DPP10: variants seen among roughly 807,000 people sequenced by gnomAD.
The protein encoded by DPP10 is dipeptidyl peptidase like 10, also known as inactive dipeptidyl peptidase 10.
Under a neutral mutation model 120.9 loss-of-function variants are expected in DPP10, and 33 were observed. That is an observed-to-expected ratio of 0.27 (90% confidence interval 0.21 to 0.37). The LOEUF (loss-of-function observed/expected upper bound fraction) is 0.37, where lower values mean the gene tolerates loss of function less well. Ranked by LOEUF, DPP10 falls within the 10% of genes least tolerant of loss-of-function variation. The probability of loss-of-function intolerance (pLI) is 1.00; values close to 1 mark genes in which losing one functional copy is unlikely to be tolerated. For missense variants in DPP10, 816 were observed against 942.8 expected (o/e 0.87, Z 1.76); for synonymous variants, 337 against 326.1 (o/e 1.03, Z -0.36).
intron 9 of DPP10, among the ~76,000 whole-genome samples, chr2:115,743,636 T>G (rs565762987): frequency 7.1e-6 from 1 of 141,084 alleles, no homozygotes. Flanking sequence ...GCACTTTACA[T>G]AAATCTTTTT....
At chr2:114,978,222 C>A (rs1225336985) in intron 1 of DPP10, among the ~76,000 whole-genome samples, 1 of 152,072 alleles carries the variant, frequency 6.6e-6, no homozygotes, top group Non-Finnish European at 1.5e-5. Flanking sequence ...TACCACTAGC[C>A]AAATATGGCT....
At chr2:115,817,387 C>G (rs116784791) in intron 21 of DPP10, among the ~76,000 whole-genome samples, 1 of 152,138 alleles carries the variant, frequency 6.6e-6, no homozygotes, top group Non-Finnish European at 1.5e-5. Flanking sequence ...AGATCCATGA[C>G]ATAAAATAAC....
intron 1 of DPP10, among the ~76,000 whole-genome samples, chr2:114,776,428 C>T (rs1681747718): frequency 6.6e-6 from 1 of 152,124 alleles, no homozygotes; most frequent in African/African-American, 2.4e-5. Context: ...GGTTCCAGAG[C>T]TTCCAAGACC....
chr2:114,586,080 T>G (rs1690956384), intron 1 of DPP10, among the ~76,000 whole-genome samples: 1 of 152,108 alleles, frequency 6.6e-6, no homozygotes, highest in Admixed American at 6.6e-5. Flanking sequence ...AAACTCCATC[T>G]CTATAATAAA....
At chr2:115,048,180 T>C (rs1221212021) in intron 1 of DPP10, among the ~76,000 whole-genome samples, 2 of 152,108 alleles carry the variant, frequency 1.3e-5, no homozygotes, top group African/African-American at 4.8e-5. Flanking sequence ...TCCCAACATA[T>C]GTAACCCTCT....
At chr2:114,539,582 G>C (rs953520067) in intron 1 of DPP10, among the ~76,000 whole-genome samples, 2 of 152,042 alleles carry the variant, frequency 1.3e-5, no homozygotes, top group Admixed American at 1.3e-4. Context: ...TTTTTGCTTG[G>C]CTAATTCTTA....
chr2:115,818,001 A>G (rs956887090), intron 21 of DPP10, among the ~76,000 whole-genome samples: 3 of 152,190 alleles, frequency 2.0e-5, no homozygotes, highest in Non-Finnish European at 4.4e-5. Context: ...AGTAAAGTAA[A>G]AAACAAAGAT....
At chr2:115,629,196 T>G (rs1013102194) in intron 5 of DPP10, among the ~76,000 whole-genome samples, 27 of 152,314 alleles carry the variant, frequency 1.8e-4, no homozygotes, top group South Asian at 1.7e-3. Flanking sequence ...GTGCCACATT[T>G]TCTTAATCCA....
intron 5 of DPP10, among the ~76,000 whole-genome samples, chr2:115,608,233 C>T (rs1242054571): frequency 6.6e-6 from 1 of 151,868 alleles, no homozygotes; most frequent in African/African-American, 2.4e-5. Flanking sequence ...ACTAAAAATA[C>T]AAAAATATTA....
At chr2:114,811,026 C>T (rs912422330) in intron 1 of DPP10, among the ~76,000 whole-genome samples, 1 of 152,144 alleles carries the variant, frequency 6.6e-6, no homozygotes, top group Admixed American at 6.6e-5. Context: ...TGGGTCTCTC[C>T]TTTAGATGCA....
intron 8 of DPP10, among the ~76,000 whole-genome samples, chr2:115,731,294 G>A (rs1329281397): frequency 2.0e-5 from 3 of 151,608 alleles, no homozygotes; most frequent in African/African-American, 4.9e-5. Flanking sequence ...GGAGTTGGAG[G>A]TTGCAGAGCC....
intron 1 of DPP10, among the ~76,000 whole-genome samples, chr2:115,089,493 T>C (rs1346807050): frequency 1.3e-5 from 2 of 152,170 alleles, no homozygotes; most frequent in African/African-American, 4.8e-5. Flanking sequence ...AGTCCCTTTC[T>C]CACTACCCTC....
At chr2:114,535,947 A>G (rs1048444417) in intron 1 of DPP10, among the ~76,000 whole-genome samples, 1 of 152,012 alleles carries the variant, frequency 6.6e-6, no homozygotes. Flanking sequence ...AGGCAATTTC[A>G]TACTGCTGTG....
chr2:115,537,386 A>T (rs1267778442), intron 5 of DPP10, among the ~76,000 whole-genome samples: 1 of 152,066 alleles, frequency 6.6e-6, no homozygotes, highest in Non-Finnish European at 1.5e-5. Flanking sequence ...TAGGCTTAGC[A>T]TGGAGAAAAA....
At chr2:114,712,520 G>A (rs1167346951) in intron 1 of DPP10, among the ~76,000 whole-genome samples, 1 of 152,094 alleles carries the variant, frequency 6.6e-6, no homozygotes, top group Non-Finnish European at 1.5e-5. Context: ...AAAGTGTGTG[G>A]TCCTTCCTCT....
At chr2:115,635,756 A>G (rs923257709) in intron 5 of DPP10, among the ~76,000 whole-genome samples, 2 of 152,182 alleles carry the variant, frequency 1.3e-5, no homozygotes, top group Admixed American at 6.5e-5. Flanking sequence ...TCCAGTCAGC[A>G]CATAATTTTA....
intron 3 of DPP10, among the ~76,000 whole-genome samples, chr2:115,380,781 G>A (rs989251172): frequency 1.4e-4 from 21 of 152,034 alleles, no homozygotes; most frequent in Non-Finnish European, 2.5e-4. Context: ...TTGCTTGTCC[G>A]CAAAGTATTT....
chr2:115,669,266 A>AT, intron 5 of DPP10, among the ~76,000 whole-genome samples: 1 of 152,270 alleles, frequency 6.6e-6, no homozygotes, highest in African/African-American at 2.4e-5. Flanking sequence ...GTTTTATTGT[A>AT]TTTAAGTGTT....
At chr2:115,397,950 G>A (rs1387111455) in intron 3 of DPP10, among the ~76,000 whole-genome samples, 1 of 152,176 alleles carries the variant, frequency 6.6e-6, no homozygotes, top group African/African-American at 2.4e-5. Context: ...CAAGTTGCTG[G>A]GTTTAGTGTG....
Sources: allele counts gnomAD v4.1 joint callset (sites outside exome capture counted in the v4.1 genomes callset), GRCh38; gene constraint gnomAD v4.1.1; transcripts MANE v1.5; gene names NCBI Gene and HGNC (gene_info 2026-07-23, HGNC 2026-07-21).